COPA: variants seen among roughly 807,000 people sequenced by gnomAD.
COPA encodes coatomer subunit alpha.
A neutral mutation model predicts 158.7 loss-of-function variants in COPA; 10 were observed. The ratio of observed to expected loss-of-function variants is 0.06; its 90% CI spans 0.04 to 0.11. The LOEUF (loss-of-function observed/expected upper bound fraction) is 0.11. Ranked by LOEUF, COPA falls within the 10% of genes least tolerant of loss-of-function variation. The probability of loss-of-function intolerance (pLI) is 1.00; values close to 1 mark genes in which losing one functional copy is unlikely to be tolerated. For missense variants in COPA, 1,065 were observed against 1,536.7 expected (o/e 0.69, Z 5.13); for synonymous variants, 462 against 542.8 (o/e 0.85, Z 2.07).
intron 4 of COPA, among the ~76,000 whole-genome samples, 161 bp downstream of exon 4, chr1:160,335,081 T>C (rs565640941): frequency 2.0e-5 from 3 of 152,212 alleles, no homozygotes; most frequent in African/African-American, 4.8e-5. Flanking sequence ...TGCTTCCTTT[T>C]GCAGAAAGAA....
At chr1:160,306,223 A>C in intron 15 of COPA, 131 bp downstream of exon 15, 1 of 988,452 alleles carries the variant, frequency 1.0e-6, no homozygotes, top group Non-Finnish European at 1.5e-6. Context: ...AAAAGTTACT[A>C]TAAAGAGTCT....
chr1:160,315,524 T>A (rs1659104408), intron 8 of COPA, among the ~76,000 whole-genome samples: 6 of 152,174 alleles, frequency 3.9e-5, no homozygotes, highest in Admixed American at 3.9e-4. Flanking sequence ...GACCTCCCCA[T>A]TCAGGACAGA....
In COPA at chr1:160,293,384, A is replaced by G; in HGVS notation, c.2754+2T>C. On this transcript the variant is annotated splice_donor_variant, in intron 26 of 32. Transcript: ENST00000241704. LOFTEE classifies it high-confidence loss of function. ...TGCCGTGCTAGGTTTCTTCCCGCTT[A>G]CCTGAGTTGGACTTGTTCCCTTGGT... 6.2e-7 allele frequency: 1 copy of G among 1,613,562 alleles called. No individual in the cohort carries two copies. Among genetic ancestry groups the G allele is most frequent in the Non-Finnish European group, 8.5e-7 (1 of 1,179,784 alleles).
intron 17 of COPA, among the ~76,000 whole-genome samples, chr1:160,300,145 G>A (rs1658549099): frequency 6.6e-6 from 1 of 151,782 alleles, no homozygotes; most frequent in African/African-American, 2.4e-5. Flanking sequence ...TTCAAGACCA[G>A]CCTGGCCAAC....
In COPA at chr1:160,310,290, G is replaced by A. The variant is rs754900590; in HGVS notation, c.1077-32C>T. 3.6e-6 allele frequency: 5 copies of A among 1,397,554 alleles called. No homozygotes were observed. In the African/African-American group the frequency reaches 5.8e-5, roughly 16 times the overall value. 86.6% of individuals were successfully genotyped at this position (1,397,554 alleles called of 1,614,324 possible). A position where few individuals can be genotyped will look rare whatever the true frequency, so the allele number is the denominator to read the frequency against. On this transcript the variant is annotated intron_variant, in intron 11 of 32. Transcript: ENST00000241704. ...ATATATATAGAAAAAGGAGAAAACA[G>A]GGAAGAGGCATAAGAATAGAAGGAA...
At chr1:160,301,470 T>C (rs1257536668) in intron 17 of COPA, among the ~76,000 whole-genome samples, 1 of 152,148 alleles carries the variant, frequency 6.6e-6, no homozygotes, top group African/African-American at 2.4e-5. Context: ...AGAAAAGTTA[T>C]TTAATAAAAT....
chr1:160,325,782 G>A, intron 6 of COPA, 130 bp from the exon 7 acceptor site: 1 of 687,390 alleles, frequency 1.5e-6, no homozygotes, highest in Non-Finnish European at 2.5e-6. Flanking sequence ...AGAAAGAAAA[G>A]AGACTCAAGA....
At chr1:160,306,315 A>G (rs1042151887) in intron 15 of COPA, 39 bp downstream of exon 15, 23 of 1,532,312 alleles carry the variant, frequency 1.5e-5, no homozygotes, top group African/African-American at 2.8e-5. Context: ...ACTCTCCCCA[A>G]CTACAGGGCT....
chr1:160,305,149 C>G (rs547152801), intron 17 of COPA: 4 of 248,674 alleles, frequency 1.6e-5, no homozygotes, highest in Non-Finnish European at 3.1e-5. Context: ...TTCTGGGGTG[C>G]CGGAACTGTT....
chr1:160,291,116 C>T (rs1658216059), intron 31 of COPA, among the ~76,000 whole-genome samples: 1 of 152,184 alleles, frequency 6.6e-6, no homozygotes, highest in South Asian at 2.1e-4. Flanking sequence ...TTCTAGGTTG[C>T]ACGGCACTCT....
At chr1:160,294,295 C>G (rs924370831) in intron 25 of COPA, among the ~76,000 whole-genome samples, 189 bp downstream of exon 25, 2 of 152,198 alleles carry the variant, frequency 1.3e-5, no homozygotes, top group Non-Finnish European at 2.9e-5. Context: ...GCCCAGCCAT[C>G]TTCCTTCTTT....
chr1:160,342,487 T>C (rs1356316357), intron 1 of COPA, among the ~76,000 whole-genome samples: 1 of 152,176 alleles, frequency 6.6e-6, no homozygotes, highest in African/African-American at 2.4e-5. Flanking sequence ...CCAGATAAAT[T>C]TGAACTTCTG....
intron 5 of COPA, among the ~76,000 whole-genome samples, 188 bp from the exon 6 acceptor site, chr1:160,332,745 T>A (rs1162182472): frequency 6.6e-6 from 1 of 152,224 alleles, no homozygotes; most frequent in Non-Finnish European, 1.5e-5. Context: ...ATAGTTCTCT[T>A]CTTGCCTCTA....
intron 6 of COPA, among the ~76,000 whole-genome samples, chr1:160,326,722 C>T (rs6681962): frequency 0.042 from 6,405 of 152,166 alleles, 439 homozygotes; most frequent in African/African-American, 0.15. Context: ...GACTCTTGGA[C>T]GAAGAACAAG....
intron 8 of COPA, among the ~76,000 whole-genome samples, chr1:160,322,384 T>G (rs938470035): frequency 3.3e-5 from 5 of 152,096 alleles, no homozygotes; most frequent in Non-Finnish European, 5.9e-5. Context: ...GGTAACTATA[T>G]GCAGAAGAAT....
At chr1:160,314,164 CTACTAT>C in intron 8 of COPA, 39 bp from the exon 9 acceptor site, 1 of 1,582,658 alleles carries the variant, frequency 6.3e-7, no homozygotes, top group Non-Finnish European at 8.6e-7. Flanking sequence ...CAATTCCCTA[CTACTAT>C]AACTTTAGGA....
chr1:160,307,422 G>A (rs1658826552), intron 13 of COPA, among the ~76,000 whole-genome samples, 177 bp from the exon 14 acceptor site: 1 of 152,152 alleles, frequency 6.6e-6, no homozygotes, highest in Admixed American at 6.5e-5. Context: ...TTCCCCACCA[G>A]TCCCCTCCAA....
chr1:160,294,261 G>A (rs1483676090), intron 25 of COPA, among the ~76,000 whole-genome samples: 4 of 151,984 alleles, frequency 2.6e-5, no homozygotes. Flanking sequence ...CCAAAGTGCT[G>A]GGATTACAGG....
chr1:160,295,837 G>A lies in COPA; in HGVS notation c.2375C>T (p.Ala792Val). The A allele has an allele frequency of 5.6e-6, 9 of 1,611,710 alleles. No homozygotes were observed. Among genetic ancestry groups the A allele is most frequent in the Non-Finnish European group, 7.6e-6 (9 of 1,179,370 alleles). ...AGGTGCAGGTGGCTGGAGCAGCTTG[G>A]CATTAGGGTCAATGTCTGGGATCTG... ...KETIPDIDPN[A>V]KLLQPPAPIM... Residue 792 changes from alanine (A) to valine (V), a missense_variant, in exon 23 of 33, where the codon GCC (alanine) becomes GTC (valine). Ala to Val is a moderately conservative substitution (Grantham distance 64, BLOSUM62 0). This residue lies in a region of COPA where 980 missense variants were observed against 1,357.8 expected (regional missense o/e 0.72). Coordinates refer to ENST00000241704, the MANE Select transcript of COPA (RefSeq NM_004371.4).
Sources: allele counts gnomAD v4.1 joint callset (sites outside exome capture counted in the v4.1 genomes callset), GRCh38; gene constraint gnomAD v4.1.1; regional missense constraint gnomAD v4.1.1; transcripts MANE v1.5; gene names NCBI Gene and HGNC (gene_info 2026-07-23, HGNC 2026-07-21).